UNC5C: variants seen among roughly 807,000 people sequenced by gnomAD.
The protein encoded by UNC5C is unc-5 netrin receptor C.
A neutral mutation model predicts 99.8 loss-of-function variants in UNC5C; 47 were observed. That is an observed-to-expected ratio of 0.47 (90% CI 0.37 to 0.60). The LOEUF (loss-of-function observed/expected upper bound fraction) is 0.60, where lower values mean the gene tolerates loss of function less well. Among genes scored for constraint, UNC5C ranks in the 20% least tolerant of loss-of-function variants. The probability of loss-of-function intolerance (pLI) is 0.00; values close to 1 mark genes in which losing one functional copy is unlikely to be tolerated. For synonymous variants in UNC5C, 487 were observed against 452.2 expected (o/e 1.08, Z -0.98); for missense variants, 1,062 against 1,165.9 (o/e 0.91, Z 1.30).
intron 1 of UNC5C, among the ~76,000 whole-genome samples, chr4:95,406,244 T>A (rs1745826196): frequency 6.6e-6 from 1 of 152,214 alleles, no homozygotes; most frequent in Non-Finnish European, 1.5e-5. Flanking sequence ...TTACTGGTCC[T>A]GTTTCCCATG....
At chr4:95,279,006 C>G (rs1579291122) in intron 3 of UNC5C, among the ~76,000 whole-genome samples, 1 of 151,978 alleles carries the variant, frequency 6.6e-6, no homozygotes, top group Non-Finnish European at 1.5e-5. Context: ...TCAAAAGAAC[C>G]CCATTCTCTT....
At chr4:95,463,434 C>T (rs935947892) in intron 1 of UNC5C, among the ~76,000 whole-genome samples, 1 of 152,030 alleles carries the variant, frequency 6.6e-6, no homozygotes, top group Non-Finnish European at 1.5e-5. Flanking sequence ...GAAGCACAAG[C>T]AGAGACTGAG....
intron 1 of UNC5C, among the ~76,000 whole-genome samples, chr4:95,341,442 AT>A (rs1486380734): frequency 2.6e-5 from 4 of 151,364 alleles, no homozygotes; most frequent in Non-Finnish European, 5.9e-5. Flanking sequence ...GAATTATACC[AT>A]TTTTTTTATA....
At position 95,168,223 on chromosome 4, in the gene UNC5C, C is replaced by T. The variant is rs959417206; in HGVS notation, c.*1011G>A. 2.6e-5 allele frequency: 4 copies of T among 152,172 alleles called. No homozygotes were observed. The highest frequency in any genetic ancestry group is 2.0e-4 in the Admixed American group (3 of 15,272). 9.4% of individuals were successfully genotyped at this position (152,172 alleles called of 1,614,324 possible). ...GGAACAGACTGACAAAGCCATTCAG[C>T]ATTTATCAATCACCTTTCTGGGGTG... On this transcript the variant is annotated 3_prime_UTR_variant, in exon 16 of 16. Transcript: ENST00000453304.
At chr4:95,520,594 GTA>G (rs1413187761) in intron 1 of UNC5C, among the ~76,000 whole-genome samples, 3 of 126,924 alleles carry the variant, frequency 2.4e-5, no homozygotes, top group Non-Finnish European at 1.6e-5. Context: ...AAACTATCTA[GTA>G]TTTTTTTTTT....
chr4:95,380,894 T>A (rs1297199526), intron 1 of UNC5C, among the ~76,000 whole-genome samples: 1 of 152,190 alleles, frequency 6.6e-6, no homozygotes, highest in Non-Finnish European at 1.5e-5. Context: ...CCAGGGACCA[T>A]GTGACAACTG....
intron 14 of UNC5C, among the ~76,000 whole-genome samples, 183 bp downstream of exon 14, chr4:95,182,714 A>T (rs3796464): frequency 0.56 from 85,023 of 151,966 alleles, 26,745 homozygotes; most frequent in Admixed American, 0.74. Flanking sequence ...ATATATATAT[A>T]TTTTTTTCTG....
chr4:95,350,643 A>C (rs762645717), intron 1 of UNC5C, among the ~76,000 whole-genome samples: 3 of 152,200 alleles, frequency 2.0e-5, no homozygotes, highest in Non-Finnish European at 2.9e-5. Flanking sequence ...CAAATAGGAC[A>C]ACTTAAACAT....
intron 7 of UNC5C, among the ~76,000 whole-genome samples, chr4:95,236,452 A>G (rs369397488): frequency 1.5e-5 from 2 of 134,076 alleles, no homozygotes; most frequent in South Asian, 2.7e-4. Flanking sequence ...GGGAGGGGGG[A>G]GGGATAGCAT....
At chr4:95,220,199 G>T in intron 7 of UNC5C, 23 bp from the exon 8 acceptor site, 1 of 1,595,654 alleles carries the variant, frequency 6.3e-7, no homozygotes, top group South Asian at 1.1e-5. Context: ...GTGAAACATT[G>T]AACCAGCTGC....
chr4:95,183,186 A>ATGTT (rs1309284841), intron 13 of UNC5C, 125 bp from the exon 14 acceptor site: 1 of 906,868 alleles, frequency 1.1e-6, no homozygotes, highest in Non-Finnish European at 1.6e-6. Flanking sequence ...CAACAGCCCT[A>ATGTT]TGTTTAAGTA....
rs142513917 is a variant in UNC5C, at chr4:95,280,076, C to T, written c.491-1714G>A. 3.4e-3 allele frequency among the ~76,000 whole-genome samples: 521 copies of T among 152,258 alleles called. 1 individual carries two copies. Among genetic ancestry groups the T allele is most frequent in the African/African-American group, 0.012 (485 of 41,554 alleles). Reference sequence around the variant, plus strand: ...ACTAGCCTGCTCACCTCCTGCTGTGCGACCAGCTCCTAACAGACCACGGAC... The same window carrying T: ...ACTAGCCTGCTCACCTCCTGCTGTGTGACCAGCTCCTAACAGACCACGGAC... On this transcript the variant is annotated intron_variant, in intron 3 of 15. Transcript: ENST00000453304.
At chr4:95,403,701 A>C (rs1745760426) in intron 1 of UNC5C, among the ~76,000 whole-genome samples, 1 of 152,154 alleles carries the variant, frequency 6.6e-6, no homozygotes, top group Admixed American at 6.5e-5. Flanking sequence ...TTACTCATCC[A>C]CTGCACAGTT....
chr4:95,413,704 T>A (rs566878174), intron 1 of UNC5C, among the ~76,000 whole-genome samples: 1 of 152,344 alleles, frequency 6.6e-6, no homozygotes, highest in Non-Finnish European at 1.5e-5. Context: ...TAAAAACATG[T>A]TTCTCTCAAC....
At chr4:95,446,198 G>A (rs1747101036) in intron 1 of UNC5C, among the ~76,000 whole-genome samples, 1 of 151,998 alleles carries the variant, frequency 6.6e-6, no homozygotes. Context: ...ATAAGAAGAG[G>A]AGAGCATAGC....
intron 1 of UNC5C, among the ~76,000 whole-genome samples, chr4:95,409,168 A>G (rs1487283518): frequency 6.6e-6 from 1 of 152,226 alleles, no homozygotes; most frequent in Non-Finnish European, 1.5e-5. Context: ...GTTCCACCTC[A>G]CACAATCATT....
At chr4:95,171,312 C>A (rs1277360439) in intron 14 of UNC5C, among the ~76,000 whole-genome samples, 1 of 151,194 alleles carries the variant, frequency 6.6e-6, no homozygotes, top group Non-Finnish European at 1.5e-5. Context: ...ATACACGTGC[C>A]ATGCTGGTGC....
intron 1 of UNC5C, among the ~76,000 whole-genome samples, chr4:95,541,020 A>G (rs1722904834): frequency 1.3e-5 from 2 of 152,202 alleles, no homozygotes; most frequent in South Asian, 2.1e-4. Flanking sequence ...CCAAAAAGAT[A>G]TTAGAATTAT....
intron 13 of UNC5C, among the ~76,000 whole-genome samples, chr4:95,184,014 T>A (rs1272830815): frequency 6.6e-6 from 1 of 152,198 alleles, no homozygotes; most frequent in African/African-American, 2.4e-5. Context: ...TAGTATTTTC[T>A]TATAATTGTA....
Sources: allele counts gnomAD v4.1 joint callset (sites outside exome capture counted in the v4.1 genomes callset), GRCh38; gene constraint gnomAD v4.1.1; transcripts MANE v1.5; gene names NCBI Gene and HGNC (gene_info 2026-07-23, HGNC 2026-07-21).